Variants in PRKN observed in about 807,000 individuals in gnomAD.
The protein encoded by PRKN is parkin RBR E3 ubiquitin protein ligase.
Under a neutral mutation model 59.5 loss-of-function variants are expected in PRKN, and 56 were observed. The observed-to-expected ratio is 0.94, with a 90% CI of 0.76 to 1.18. The LOEUF is 1.18. Ranked by LOEUF, PRKN falls within the 50% of genes most tolerant of loss-of-function variation. PRKN has a pLI of 0.00. For synonymous variants in PRKN, 250 were observed against 222.1 expected, an observed-to-expected ratio of 1.13 and a Z score of -1.12; for missense variants, 657 against 596.4, an observed-to-expected ratio of 1.10 and a Z score of -1.06.
chr6:162,648,628 C>G (rs1050787665), intron 1 of PRKN, among the ~76,000 whole-genome samples: 1 of 152,144 alleles, frequency 6.6e-6, no homozygotes, highest in African/African-American at 2.4e-5. Flanking sequence ...GTGATCCACC[C>G]GCCTCAGCCT....
intron 5 of PRKN, among the ~76,000 whole-genome samples, chr6:162,042,116 T>A (rs945613430): frequency 6.6e-6 from 1 of 152,064 alleles, no homozygotes; most frequent in Admixed American, 6.6e-5. Flanking sequence ...TCTCCATTTA[T>A]ATTTGCTTTT....
At chr6:161,830,489 T>C (rs974516272) in intron 6 of PRKN, among the ~76,000 whole-genome samples, 1 of 152,164 alleles carries the variant, frequency 6.6e-6, no homozygotes, top group African/African-American at 2.4e-5. Flanking sequence ...CCTGACCTCG[T>C]GATCTGCCCG....
intron 4 of PRKN, among the ~76,000 whole-genome samples, chr6:162,178,975 G>A (rs767196693): frequency 1.3e-5 from 2 of 152,108 alleles, no homozygotes; most frequent in Admixed American, 6.5e-5. Context: ...GGCCTCGAGC[G>A]ATCCTCCCAC....
chr6:162,478,068 G>A (rs542999541), intron 1 of PRKN, among the ~76,000 whole-genome samples: 38 of 152,156 alleles, frequency 2.5e-4, no homozygotes, highest in African/African-American at 8.4e-4. Context: ...GGTTATCCAC[G>A]GTGAGATCTT....
chr6:162,043,465 A>G (rs1784140788), intron 5 of PRKN, among the ~76,000 whole-genome samples: 1 of 152,246 alleles, frequency 6.6e-6, no homozygotes, highest in African/African-American at 2.4e-5. Context: ...TGATCAGTGA[A>G]ATTTCAAAAT....
intron 1 of PRKN, among the ~76,000 whole-genome samples, chr6:162,468,113 G>C (rs2128176755): frequency 6.6e-6 from 1 of 152,284 alleles, no homozygotes; most frequent in Middle Eastern, 3.4e-3. Flanking sequence ...GCCCCGACAG[G>C]ACAGGGACTT....
chr6:162,029,907 T>G (rs751413652), intron 5 of PRKN, among the ~76,000 whole-genome samples: 4 of 152,182 alleles, frequency 2.6e-5, no homozygotes, highest in Non-Finnish European at 5.9e-5. Context: ...GGTATTATCA[T>G]AGCTCACTGT....
rs1416662912 is a variant in PRKN, at chr6:162,005,291, T to C, written c.619-31874A>G. Among the ~76,000 whole-genome samples the C allele has an allele frequency of 8.5e-5, 13 of 152,190 alleles. 1 individual carries two copies. Among genetic ancestry groups the C allele is most frequent in the African/African-American group, 2.4e-4 (10 of 41,458 alleles). On this transcript the variant is annotated intron_variant, in intron 5 of 11. Transcript: ENST00000366898. Reference sequence around the variant, plus strand: ...AAAAGAAATAAAGTATAGGACAATATAGAATACCAGGAAAGTTGTTCACAT... The same window carrying C: ...AAAAGAAATAAAGTATAGGACAATACAGAATACCAGGAAAGTTGTTCACAT...
chr6:161,577,571 G>C (rs1208876536), intron 7 of PRKN, among the ~76,000 whole-genome samples: 1 of 152,148 alleles, frequency 6.6e-6, no homozygotes, highest in Non-Finnish European at 1.5e-5. Context: ...TGTAAATTTT[G>C]ATGCTTTCAG....
chr6:161,898,366 G>A (rs940779459), intron 6 of PRKN, among the ~76,000 whole-genome samples: 2 of 152,172 alleles, frequency 1.3e-5, no homozygotes, highest in Non-Finnish European at 2.9e-5. Flanking sequence ...GGTCCCACGA[G>A]CAATAATATT....
chr6:162,611,864 T>C (rs147088070), intron 1 of PRKN, among the ~76,000 whole-genome samples: 507 of 152,132 alleles, frequency 3.3e-3, no homozygotes, highest in Admixed American at 5.0e-3. Flanking sequence ...AGTGTGAAAA[T>C]CTTCAAATAC....
At chr6:161,730,966 T>C (rs1180899094) in intron 7 of PRKN, among the ~76,000 whole-genome samples, 4 of 152,236 alleles carry the variant, frequency 2.6e-5, no homozygotes, top group East Asian at 1.9e-4. Context: ...TTCTGATGTG[T>C]TGCATTCTTT....
Position 162,592,630 on chromosome 6 carries a change from G to A in PRKN, c.7+135032C>T, listed in dbSNP as rs183258443. Reference sequence around the variant, plus strand: ...ACCAAAAGAGGTGTGTTCACTTTTTGCCCTGTACATTAGATAACCACAGAC... The same window carrying A: ...ACCAAAAGAGGTGTGTTCACTTTTTACCCTGTACATTAGATAACCACAGAC... On this transcript the variant is annotated intron_variant, in intron 1 of 11. Transcript: ENST00000366898. Among the ~76,000 whole-genome samples the A allele has an allele frequency of 7.0e-4, 106 of 152,082 alleles. No homozygotes were observed. The Middle Eastern group carries it at 0.01, about 15-fold the overall frequency.
intron 4 of PRKN, among the ~76,000 whole-genome samples, chr6:162,164,127 A>G (rs907282212): frequency 6.7e-6 from 1 of 149,350 alleles, no homozygotes. Flanking sequence ...TGTTAAGTCA[A>G]ATGAAGTAGA....
At chr6:162,298,088 C>A (rs947138299) in intron 2 of PRKN, among the ~76,000 whole-genome samples, 1 of 152,098 alleles carries the variant, frequency 6.6e-6, no homozygotes, top group African/African-American at 2.4e-5. Context: ...CAGGCCAAAT[C>A]ACTTGGGCTC....
intron 7 of PRKN, among the ~76,000 whole-genome samples, chr6:161,674,548 C>T (rs4708921): frequency 0.33 from 50,412 of 151,846 alleles, 8,816 homozygotes; most frequent in Admixed American, 0.48. Context: ...CATCTTAGAA[C>T]TATAATTTTT....
At chr6:162,622,088 C>T (rs1036850336) in intron 1 of PRKN, among the ~76,000 whole-genome samples, 12 of 152,014 alleles carry the variant, frequency 7.9e-5, no homozygotes, top group African/African-American at 1.9e-4. Flanking sequence ...GCTGGGATTA[C>T]AGGCTTGAGC....
intron 6 of PRKN, among the ~76,000 whole-genome samples, chr6:161,924,363 A>G (rs1485552313): frequency 6.6e-6 from 1 of 152,100 alleles, no homozygotes; most frequent in African/African-American, 2.4e-5. Flanking sequence ...ATGACCTACT[A>G]TAATTTACTG....
At chr6:161,623,513 G>A (rs1268709467) in intron 7 of PRKN, among the ~76,000 whole-genome samples, 1 of 152,186 alleles carries the variant, frequency 6.6e-6, no homozygotes, top group Non-Finnish European at 1.5e-5. Flanking sequence ...CAGTAAGGGA[G>A]CGACAGACAG....
Sources: gnomAD v4.1 joint callset for allele counts (sites outside exome capture counted in the v4.1 genomes callset) on GRCh38, gnomAD v4.1.1 for gene constraint, MANE v1.5 for transcripts, NCBI Gene and HGNC (gene_info 2026-07-23, HGNC 2026-07-21) for gene names.